Variants in FHIT observed in about 807,000 individuals in gnomAD.
FHIT encodes the protein fragile histidine triad diadenosine triphosphatase, also known as bis(5'-adenosyl)-triphosphatase.
A neutral mutation model predicts 17.9 loss-of-function variants in FHIT; 19 were observed. The observed-to-expected ratio is 1.06, with a 90% CI of 0.74 to 1.56. The LOEUF (loss-of-function observed/expected upper bound fraction) is 1.56, where lower values mean the gene tolerates loss of function less well. FHIT is among the 40% of genes most tolerant of loss of function. FHIT has a pLI of 0.00. For synonymous variants in FHIT, 81 were observed against 69.7 expected, an observed-to-expected ratio of 1.16 and a Z score of -0.81; for missense variants, 248 against 189.2, an observed-to-expected ratio of 1.31 and a Z score of -1.82.
intron 4 of FHIT, among the ~76,000 whole-genome samples, chr3:60,650,161 C>A (rs1438401700): frequency 1.3e-5 from 2 of 152,150 alleles, no homozygotes; most frequent in Non-Finnish European, 2.9e-5. Flanking sequence ...TCTCATTGTT[C>A]AAGTGGATGT....
chr3:61,151,835 G>A (rs1197509137), intron 2 of FHIT, among the ~76,000 whole-genome samples: 1 of 151,962 alleles, frequency 6.6e-6, no homozygotes, highest in Non-Finnish European at 1.5e-5. Flanking sequence ...CGCCCACCTA[G>A]GCCTCCCAAA....
chr3:59,874,102 G>A (rs915226778), intron 8 of FHIT, among the ~76,000 whole-genome samples: 14 of 151,940 alleles, frequency 9.2e-5, no homozygotes, highest in East Asian at 1.9e-4. Context: ...AGCTATCCTC[G>A]CCTCTCAAAA....
chr3:60,590,275 G>A (rs1553663711), intron 4 of FHIT, among the ~76,000 whole-genome samples: 2 of 151,996 alleles, frequency 1.3e-5, no homozygotes, highest in African/African-American at 4.8e-5. Context: ...TCTACTCACA[G>A]ACTCAGTGGT....
chr3:59,950,220 T>G (rs1213275912), intron 7 of FHIT, among the ~76,000 whole-genome samples: 6 of 152,266 alleles, frequency 3.9e-5, no homozygotes, highest in Admixed American at 6.5e-5. Context: ...ATATAAAATA[T>G]AAGAATTGTC....
At chr3:60,246,511 T>C (rs1053988576) in intron 5 of FHIT, among the ~76,000 whole-genome samples, 2 of 152,006 alleles carry the variant, frequency 1.3e-5, no homozygotes, top group Non-Finnish European at 2.9e-5. Context: ...AGTCTTTAAT[T>C]AGGAAGAACA....
At chr3:60,494,505 C>G (rs1445938384) in intron 5 of FHIT, among the ~76,000 whole-genome samples, 1 of 152,030 alleles carries the variant, frequency 6.6e-6, no homozygotes, top group Non-Finnish European at 1.5e-5. Context: ...TCAAAATGTA[C>G]AATTAAATCA....
rs1434048795 is a variant in FHIT at position 60,731,799 on chromosome 3, A to C, written c.-18+90120T>G. 5.9e-5 allele frequency among the ~76,000 whole-genome samples: 9 copies of C among 152,112 alleles called. No homozygotes were observed. The East Asian group carries it at 1.2e-3, about 20-fold the overall frequency. On this transcript the variant is annotated intron_variant, in intron 4 of 9. Transcript: ENST00000492590. ...CAGCTGCAACCAATTATTATTTGAG[A>C]GAACCATCTTAACAACTGCCTGACC...
At chr3:60,455,297 T>G (rs2032018201) in intron 5 of FHIT, among the ~76,000 whole-genome samples, 1 of 152,286 alleles carries the variant, frequency 6.6e-6, no homozygotes, top group East Asian at 1.9e-4. Context: ...AGTCAATGTC[T>G]TAGATAACAA....
chr3:60,557,728 G>A (rs2036790048), intron 4 of FHIT, among the ~76,000 whole-genome samples: 1 of 152,006 alleles, frequency 6.6e-6, no homozygotes, highest in African/African-American at 2.4e-5. Flanking sequence ...CACGTGGGCT[G>A]AGAAGCACAA....
chr3:60,174,156 C>T (rs548615340), intron 5 of FHIT, among the ~76,000 whole-genome samples: 17 of 151,304 alleles, frequency 1.1e-4, no homozygotes, highest in Non-Finnish European at 2.2e-4. Context: ...CTGATCCGCC[C>T]GCCTCAGCCT....
At chr3:61,001,950 C>T (rs1022695430) in intron 3 of FHIT, among the ~76,000 whole-genome samples, 17 of 151,814 alleles carry the variant, frequency 1.1e-4, no homozygotes, top group Non-Finnish European at 7.4e-5. Context: ...ACAGGCCCTC[C>T]CTCTACATTT....
At chr3:60,099,553 G>A (rs953220426) in intron 5 of FHIT, among the ~76,000 whole-genome samples, 3 of 152,062 alleles carry the variant, frequency 2.0e-5, no homozygotes, top group African/African-American at 7.2e-5. Flanking sequence ...TGTGACCCTG[G>A]CATTTTATAA....
chr3:60,444,654 C>A (rs12163553), intron 5 of FHIT, among the ~76,000 whole-genome samples: 1 of 151,826 alleles, frequency 6.6e-6, no homozygotes, highest in Admixed American at 6.6e-5. Flanking sequence ...ATGAGAACAC[C>A]TGGACACAGG....
chr3:60,790,836 A>G (rs1553728308), intron 4 of FHIT, among the ~76,000 whole-genome samples: 1 of 152,204 alleles, frequency 6.6e-6, no homozygotes, highest in East Asian at 1.9e-4. Flanking sequence ...ATATTGGTTA[A>G]TCAATTATAA....
chr3:61,242,748 T>C (rs1176755678), intron 1 of FHIT, among the ~76,000 whole-genome samples: 2 of 152,136 alleles, frequency 1.3e-5, no homozygotes, highest in Non-Finnish European at 2.9e-5. Context: ...ATCGGTCGAA[T>C]TGGAGATGAA....
At chr3:60,925,837 G>T (rs1291908730) in intron 3 of FHIT, among the ~76,000 whole-genome samples, 10 of 152,110 alleles carry the variant, frequency 6.6e-5, no homozygotes, top group Non-Finnish European at 8.8e-5. Context: ...GACACACATA[G>T]GCTCAAAATA....
At chr3:60,336,708 G>A (rs967273732) in intron 5 of FHIT, among the ~76,000 whole-genome samples, 1 of 152,070 alleles carries the variant, frequency 6.6e-6, no homozygotes, top group Non-Finnish European at 1.5e-5. Flanking sequence ...ACAGAACAGT[G>A]GAGAACATTT....
intron 3 of FHIT, among the ~76,000 whole-genome samples, chr3:60,953,907 T>C (rs782498629): frequency 6.6e-6 from 1 of 151,858 alleles, no homozygotes; most frequent in Non-Finnish European, 1.5e-5. Flanking sequence ...TGGCTCAGTT[T>C]AAACTCTTTT....
At chr3:60,241,194 C>A (rs1337042377) in intron 5 of FHIT, among the ~76,000 whole-genome samples, 1 of 152,110 alleles carries the variant, frequency 6.6e-6, no homozygotes, top group Non-Finnish European at 1.5e-5. Context: ...CCTGAAACTT[C>A]TTCCTAAATT....
Sources: allele counts gnomAD v4.1 joint callset (sites outside exome capture counted in the v4.1 genomes callset), GRCh38; gene constraint gnomAD v4.1.1; transcripts MANE v1.5; gene names NCBI Gene and HGNC (gene_info 2026-07-23, HGNC 2026-07-21).